MBNL2: variants seen among roughly 807,000 people sequenced by gnomAD.
MBNL2 encodes muscleblind like splicing regulator 2.
In MBNL2, 17 loss-of-function variants were observed where a neutral mutation model predicts 41.9. That is an observed-to-expected ratio of 0.41 (90% CI 0.28 to 0.61). The LOEUF is 0.61. MBNL2 is among the 20% of genes least tolerant of loss of function. The pLI is 0.35. For synonymous variants in MBNL2, 195 were observed against 182.9 expected (o/e 1.07, Z -0.53); for missense variants, 336 against 505.6 (o/e 0.66, Z 3.22).
chr13:97,338,184 C>T (rs898885472), intron 3 of MBNL2, among the ~76,000 whole-genome samples: 2 of 152,138 alleles, frequency 1.3e-5, no homozygotes, highest in African/African-American at 4.8e-5. Flanking sequence ...GATCTGGTCA[C>T]GACCCTGCCT....
upstream of MBNL2, among the ~76,000 whole-genome samples, chr13:97,216,927 CAT>C (rs1389004250): frequency 6.7e-6 from 1 of 148,870 alleles, no homozygotes; most frequent in Admixed American, 6.7e-5. Flanking sequence ...ATATAATACA[CAT>C]ATAATGTATA....
chr13:97,283,469 A>G (rs2053822599), intron 2 of MBNL2, among the ~76,000 whole-genome samples: 1 of 152,060 alleles, frequency 6.6e-6, no homozygotes, highest in African/African-American at 2.4e-5. Context: ...TGGGCACAAA[A>G]CCTGACCACT....
intron 1 of MBNL2, among the ~76,000 whole-genome samples, chr13:97,225,069 A>G (rs1405373374): frequency 6.6e-6 from 1 of 152,248 alleles, no homozygotes; most frequent in Non-Finnish European, 1.5e-5. Flanking sequence ...AGGTAGCTTT[A>G]CTGGTTAACA....
rs911323762 is a variant in MBNL2 at position 97,226,265 on chromosome 13, C to T, written c.-605+3734C>T. Among the ~76,000 whole-genome samples, 9 of 152,290 alleles carry T rather than the reference C, an allele frequency of 5.9e-5. No individual in the cohort carries two copies. The South Asian group carries it at 6.2e-4, about 11-fold the overall frequency. On this transcript the variant is annotated intron_variant, in intron 1 of 8. Coordinates refer to ENST00000679496, the MANE Select transcript of MBNL2 (RefSeq NM_001382683.1). ...AAACCTGAGCTCTGAGGCTGATGGACGAGTTTTGGGCTGGCCTGCCCTCCT... is the reference window on the plus strand; with the variant it reads ...AAACCTGAGCTCTGAGGCTGATGGATGAGTTTTGGGCTGGCCTGCCCTCCT...
the MBNL2 span, among the ~76,000 whole-genome samples, chr13:97,144,140 G>A: frequency 2.0e-5 from 3 of 151,992 alleles, no homozygotes; most frequent in Non-Finnish European, 4.4e-5. Flanking sequence ...CACCACGCCC[G>A]GCTGTGTTTA....
At chr13:97,373,414 A>C (rs930661636) in intron 8 of MBNL2, among the ~76,000 whole-genome samples, 44 of 151,388 alleles carry the variant, frequency 2.9e-4, no homozygotes, top group Admixed American at 4.0e-4. Flanking sequence ...GAGAGAGAGT[A>C]GAGAGAGAGA....
At chr13:97,339,760 C>A (rs937968906) in intron 3 of MBNL2, among the ~76,000 whole-genome samples, 1 of 152,050 alleles carries the variant, frequency 6.6e-6, no homozygotes, top group Non-Finnish European at 1.5e-5. Flanking sequence ...ACACCTCACA[C>A]CTCCTGTCTG....
chr13:97,182,839 T>C, the MBNL2 span, among the ~76,000 whole-genome samples: 1 of 152,196 alleles, frequency 6.6e-6, no homozygotes, highest in Admixed American at 6.5e-5. Context: ...TGAGAATTAT[T>C]CCCCTCCATT....
chr13:97,154,998 T>A, the MBNL2 span, among the ~76,000 whole-genome samples: 26 of 152,258 alleles, frequency 1.7e-4, no homozygotes, highest in Non-Finnish European at 3.4e-4. Flanking sequence ...GACCTATGAC[T>A]CCTATGCAGT....
At chr13:97,297,827 C>G (rs939392696) in intron 2 of MBNL2, among the ~76,000 whole-genome samples, 1 of 152,192 alleles carries the variant, frequency 6.6e-6, no homozygotes, top group African/African-American at 2.4e-5. Flanking sequence ...AACTGTGGCT[C>G]TGCCTGTCAT....
chr13:97,344,196 G>A (rs770749854), intron 4 of MBNL2, among the ~76,000 whole-genome samples: 4 of 152,142 alleles, frequency 2.6e-5, no homozygotes, highest in Non-Finnish European at 5.9e-5. Context: ...AAAAAACATC[G>A]TTCTTAAGTT....
the MBNL2 span, among the ~76,000 whole-genome samples, chr13:97,215,085 A>G: frequency 7.9e-5 from 12 of 152,216 alleles, no homozygotes; most frequent in Non-Finnish European, 1.6e-4. Flanking sequence ...CCCATCTCCA[A>G]CGCTTGGAGG....
At chr13:97,291,571 C>T (rs1349695858) in intron 2 of MBNL2, among the ~76,000 whole-genome samples, 2 of 152,098 alleles carry the variant, frequency 1.3e-5, no homozygotes, top group Admixed American at 1.3e-4. Context: ...CATCCCATCT[C>T]CATTTGCTCT....
intron 2 of MBNL2, among the ~76,000 whole-genome samples, chr13:97,289,699 G>A (rs963463661): frequency 2.8e-4 from 42 of 152,198 alleles, no homozygotes; most frequent in Non-Finnish European, 2.4e-4. Flanking sequence ...AAGGAGAGGC[G>A]AGGACCTTGC....
the MBNL2 span, among the ~76,000 whole-genome samples, chr13:97,170,698 A>T: frequency 2.0e-5 from 3 of 152,118 alleles, no homozygotes; most frequent in Admixed American, 1.3e-4. Context: ...ACATGCAAAA[A>T]ATCTGAGAAA....
intron 2 of MBNL2, among the ~76,000 whole-genome samples, chr13:97,297,461 T>A (rs2057172123): frequency 6.6e-6 from 1 of 152,032 alleles, no homozygotes; most frequent in Non-Finnish European, 1.5e-5. Context: ...AGAAAAAACA[T>A]CTCATCAGAC....
At chr13:97,175,484 C>G in the MBNL2 span, among the ~76,000 whole-genome samples, 1 of 152,170 alleles carries the variant, frequency 6.6e-6, no homozygotes. Flanking sequence ...GGACCCCATC[C>G]TGAGTAAACA....
At chr13:97,208,574 C>T in the MBNL2 span, among the ~76,000 whole-genome samples, 1 of 152,160 alleles carries the variant, frequency 6.6e-6, no homozygotes, top group Non-Finnish European at 1.5e-5. Flanking sequence ...TACCCTATTA[C>T]AGGCCATGTA....
In MBNL2 at chr13:97,393,501, A is replaced by T. The variant is rs1566460922; in HGVS notation, c.*2052A>T. 1 of 152,454 alleles carries T rather than the reference A, an allele frequency of 6.6e-6. No individual in the cohort carries two copies. The highest frequency in any genetic ancestry group is 1.5e-5 in the Non-Finnish European group (1 of 67,944). The allele number at this position is 152,454 out of a possible 1,614,324, so 9.4% of individuals were successfully genotyped here. Reference sequence around the variant, plus strand: ...AAACATCACCTGTAACCCCAAGCAAATATAGAAGACTGTATTTTTTACTAT... The same window carrying T: ...AAACATCACCTGTAACCCCAAGCAATTATAGAAGACTGTATTTTTTACTAT... On this transcript the variant is annotated 3_prime_UTR_variant, in exon 9 of 9. Coordinates refer to ENST00000679496, the MANE Select transcript of MBNL2 (RefSeq NM_001382683.1).
Sources: allele counts gnomAD v4.1 joint callset (sites outside exome capture counted in the v4.1 genomes callset), GRCh38; gene constraint gnomAD v4.1.1; transcripts MANE v1.5; gene names NCBI Gene and HGNC (gene_info 2026-07-23, HGNC 2026-07-21).